LRIG1: variants seen among roughly 807,000 people sequenced by gnomAD.
The protein encoded by LRIG1 is leucine-rich repeats and immunoglobulin-like domains protein 1.
Under a neutral mutation model 99.2 loss-of-function variants are expected in LRIG1, and 48 were observed. The observed-to-expected ratio is 0.48, with a 90% CI of 0.38 to 0.62. The LOEUF is 0.62. LRIG1 is among the 20% of genes least tolerant of loss of function. The probability of loss-of-function intolerance (pLI) is 0.00; values close to 1 mark genes in which losing one functional copy is unlikely to be tolerated. For synonymous variants in LRIG1, 772 were observed against 596.1 expected, an observed-to-expected ratio of 1.29 and a Z score of -4.30; for missense variants, 1,646 against 1,434.4, an observed-to-expected ratio of 1.15 and a Z score of -2.38.
At chr3:66,421,461 T>C (rs1285145238) in intron 3 of LRIG1, among the ~76,000 whole-genome samples, 1 of 152,168 alleles carries the variant, frequency 6.6e-6, no homozygotes, top group African/African-American at 2.4e-5. Context: ...ACAGGCTCCA[T>C]GCAAGTCCAA....
At chr3:66,468,196 A>C (rs1357317593) in intron 1 of LRIG1, among the ~76,000 whole-genome samples, 1 of 152,146 alleles carries the variant, frequency 6.6e-6, no homozygotes, top group Non-Finnish European at 1.5e-5. Context: ...TTGGAAGTTG[A>C]GGGATAAAAA....
intron 1 of LRIG1, among the ~76,000 whole-genome samples, chr3:66,471,108 C>G (rs937014806): frequency 2.0e-5 from 3 of 152,166 alleles, no homozygotes; most frequent in African/African-American, 4.8e-5. Context: ...GAGGCTGACC[C>G]TCCCACAGAC....
chr3:66,468,549 T>G (rs933570353), intron 1 of LRIG1, among the ~76,000 whole-genome samples: 1 of 152,200 alleles, frequency 6.6e-6, no homozygotes, highest in Non-Finnish European at 1.5e-5. Context: ...TTCAGATGTT[T>G]GCTAAACTGC....
intron 1 of LRIG1, chr3:66,469,160 C>T (rs1441661944): frequency 6.6e-6 from 1 of 152,170 alleles, no homozygotes; most frequent in Non-Finnish European, 1.5e-5. Flanking sequence ...CTTGCTGCTA[C>T]CTCTCTTCAG....
chr3:66,471,082 G>T (rs984581934), intron 1 of LRIG1, among the ~76,000 whole-genome samples: 2 of 152,154 alleles, frequency 1.3e-5, no homozygotes, highest in African/African-American at 4.8e-5. Context: ...ATTTGGGCAG[G>T]GAATAGCTGC....
chr3:66,385,877 T>G (rs531149997), intron 13 of LRIG1, 104 bp downstream of exon 13: 3 of 1,047,520 alleles, frequency 2.9e-6, no homozygotes, highest in South Asian at 3.0e-5. Flanking sequence ...CACAGAAGCA[T>G]GTGTGTGTCC....
At position 66,407,387 on chromosome 3, in the gene LRIG1, G is replaced by A. The variant is rs767392527; in HGVS notation, c.1040C>T (p.Ala347Val). ...RLSHNSISHI[A>V]EGAFKGLRSL... ...CCTGAGTCCCTTGAAGGCACCCTCCGCAATGTGGCTGATGGAATTGTGGCT... is the reference window on the plus strand; with the variant it reads ...CCTGAGTCCCTTGAAGGCACCCTCCACAATGTGGCTGATGGAATTGTGGCT... The change falls in exon 8 of 19, where the codon GCG becomes GTG. Residue 347 changes from alanine to valine, a missense_variant. Ala to Val is a moderately conservative substitution (Grantham distance 64). Coordinates refer to ENST00000273261, the MANE Select transcript of LRIG1 (RefSeq NM_015541.3). The A allele has an allele frequency of 1.8e-5, 29 of 1,614,002 alleles. No individual in the cohort carries two copies. The highest frequency in any genetic ancestry group is 1.6e-4 in the Middle Eastern group (1 of 6,082).
At chr3:66,381,014 A>G in intron 17 of LRIG1, 153 bp from the exon 18 acceptor site, 1 of 734,938 alleles carries the variant, frequency 1.4e-6, no homozygotes, top group Non-Finnish European at 2.2e-6. Flanking sequence ...CTATGTCCCC[A>G]GAGAAAGGAC....
In LRIG1 at chr3:66,382,304, G is replaced by C; in HGVS notation, c.2586C>G (p.Gly862=). 4 of 1,614,194 alleles carry C rather than the reference G, an allele frequency of 2.5e-6. No homozygotes were observed. The highest frequency in any genetic ancestry group is 3.4e-6 in the Non-Finnish European group (4 of 1,180,018). Residue 862 remains glycine, a synonymous_variant, in exon 16 of 19, where the codon GGC becomes GGG. Coordinates refer to ENST00000273261, the MANE Select transcript of LRIG1 (RefSeq NM_015541.3). ...RQETVVRTEG[G]PQANGHIESN... is the part of the protein sequence containing the mutation. ...TCTCAATGTGCCCATTGGCCTGAGG[G>C]CCACCCTCGGTCCTGACCACGGTTT...
intron 8 of LRIG1, chr3:66,405,871 G>C: frequency 2.8e-6 from 3 of 1,089,474 alleles, no homozygotes; most frequent in Non-Finnish European, 3.4e-6. Flanking sequence ...GCCAGGATCA[G>C]AGGGATGAGG....
intron 1 of LRIG1, among the ~76,000 whole-genome samples, chr3:66,475,124 GC>G (rs1700691206): frequency 6.6e-6 from 1 of 152,188 alleles, no homozygotes; most frequent in Non-Finnish European, 1.5e-5. Flanking sequence ...TATGAAAACA[GC>G]TAGGACTTAG....
chr3:66,492,613 T>A (rs1701128332), intron 1 of LRIG1, among the ~76,000 whole-genome samples: 1 of 152,128 alleles, frequency 6.6e-6, no homozygotes, highest in Admixed American at 6.5e-5. Context: ...GTTCAAAAAC[T>A]AATCAACGCA....
Position 66,380,443 on chromosome 3 carries a change from T to C in LRIG1, c.3102A>G (p.Thr1034=), listed in dbSNP as rs751438245. Residue 1034 remains threonine, a synonymous_variant, in exon 19 of 19, where the codon ACA becomes ACG. Transcript: ENST00000273261. ...TTAATGAAGATGCAGGCTGTAGCTCTGTGGAGTCCGGGTGATACAACCTTG... is the reference window on the plus strand; with the variant it reads ...TTAATGAAGATGCAGGCTGTAGCTCCGTGGAGTCCGGGTGATACAACCTTG... ...TLARLYHPDS[T]ELQPASSLTS... The C allele has an allele frequency of 6.2e-7, 1 of 1,614,196 alleles. No individual in the cohort carries two copies. Among genetic ancestry groups the C allele is most frequent in the Non-Finnish European group, 8.5e-7 (1 of 1,180,034 alleles).
At chr3:66,450,495 G>A (rs1703870813) in intron 3 of LRIG1, among the ~76,000 whole-genome samples, 1 of 152,016 alleles carries the variant, frequency 6.6e-6, no homozygotes, top group African/African-American at 2.4e-5. Context: ...AACCCCCCAC[G>A]CTCTCCTGCA....
intron 6 of LRIG1, 101 bp downstream of exon 6, chr3:66,412,770 T>G: frequency 7.3e-7 from 1 of 1,374,138 alleles, no homozygotes; most frequent in South Asian, 1.3e-5. Flanking sequence ...CACAGCAACG[T>G]TGGTGTTGGT....
chr3:66,426,532 T>C (rs752927163), intron 3 of LRIG1, among the ~76,000 whole-genome samples: 1 of 152,196 alleles, frequency 6.6e-6, no homozygotes, highest in Non-Finnish European at 1.5e-5. Flanking sequence ...ACCTCTTAAC[T>C]GCAGAGAGAA....
rs142001221 is a variant in LRIG1 at position 66,380,672 on chromosome 3, G to A, written c.2960C>T (p.Ser987Phe). 58 of 1,614,090 alleles carry A rather than the reference G, an allele frequency of 3.6e-5. No homozygotes were observed. The highest frequency in any genetic ancestry group is 4.7e-5 in the Non-Finnish European group (55 of 1,180,054). Reference sequence around the variant, plus strand: ...GAGCGACCCTTGGCACTCGGGGCAGGACCCAGCGGCAGTCCTGCTGCACTG... The same window carrying A: ...GAGCGACCCTTGGCACTCGGGGCAGAACCCAGCGGCAGTCCTGCTGCACTG... ...HHQCSRTAAG[S>F]CPECQGSLYP... is the part of the protein sequence containing the mutation. Residue 987 changes from serine (S) to phenylalanine (F), a missense_variant, in exon 18 of 19, where the codon TCC becomes TTC. Ser to Phe is a radical substitution (Grantham distance 155). Coordinates refer to ENST00000273261, the MANE Select transcript of LRIG1 (RefSeq NM_015541.3).
Position 66,380,308 on chromosome 3 carries a change from G to T in LRIG1, c.3237C>A (p.Leu1079=), listed in dbSNP as rs199581909. Residue 1079 remains leucine, a synonymous_variant, in exon 19 of 19, where the codon CTC becomes CTA. Coordinates refer to ENST00000273261, the MANE Select transcript of LRIG1 (RefSeq NM_015541.3). ...SPESTPLTGQ[L]PGKQRVPLLL... The stretch of plus-strand genomic sequence containing the variant: ...GCAGTGGCACCCTCTGTTTCCCGGG[G>T]AGCTGTCCTGTCAGTGGCGTGGACT... The T allele has an allele frequency of 1.9e-6, 3 of 1,614,112 alleles. No homozygotes were observed. The highest frequency in any genetic ancestry group is 2.2e-5 in the East Asian group (1 of 44,878).
rs1003619519 is a variant in LRIG1, at chr3:66,500,104, C to G, written c.218+86G>C. 5.6e-5 allele frequency: 60 copies of G among 1,062,340 alleles called. 1 individual carries two copies. The highest frequency in any genetic ancestry group is 7.7e-5 in the Non-Finnish European group (58 of 750,744). The allele number at this position is 1,062,340 out of a possible 1,614,324, so 65.8% of individuals were successfully genotyped here. On this transcript the variant is annotated intron_variant, in intron 1 of 18. Transcript: ENST00000273261. ...TCCACACACACAACCCAGTCCGCAC[C>G]CCCTCCCTGAGTACGAACCCCCGCC...
Sources: allele counts gnomAD v4.1 joint callset (sites outside exome capture counted in the v4.1 genomes callset), GRCh38; gene constraint gnomAD v4.1.1; transcripts MANE v1.5; gene names NCBI Gene and HGNC (gene_info 2026-07-23, HGNC 2026-07-21).